Variants in TENM1 observed in about 807,000 individuals in gnomAD.
TENM1 encodes teneurin transmembrane protein 1, also known as teneurin-1.
Under a neutral mutation model 174.8 loss-of-function variants are expected in TENM1, and 35 were observed. The ratio of observed to expected loss-of-function variants is 0.20; its 90% confidence interval spans 0.15 to 0.27. The LOEUF (loss-of-function observed/expected upper bound fraction) is 0.27, where lower values mean the gene tolerates loss of function less well. TENM1 is among the 10% of genes least tolerant of loss of function. The pLI, the probability that TENM1 is intolerant of heterozygous loss-of-function variation, is 1.00. For synonymous variants in TENM1, 781 were observed against 798.7 expected (o/e 0.98, Z 0.37); for missense variants, 1,633 against 2,130.1 (o/e 0.77, Z 4.59).
chrX:124,783,013 A>G (rs2054950001), intron 3 of TENM1, among the ~76,000 whole-genome samples: 2 of 111,986 alleles, frequency 1.8e-5, no homozygotes, highest in South Asian at 7.4e-4. Context: ...GTTATGGTTT[A>G]GCCACCTGAA....
intron 1 of TENM1, among the ~76,000 whole-genome samples, chrX:124,910,368 A>G (rs932160986): frequency 2.7e-5 from 3 of 112,254 alleles, no homozygotes; most frequent in African/African-American, 9.7e-5. Context: ...ATCTATATAC[A>G]TGAATGCATG....
intron 25 of TENM1, among the ~76,000 whole-genome samples, chrX:124,410,409 TA>T (rs1269757737): frequency 1.8e-5 from 2 of 111,701 alleles, no homozygotes; most frequent in Admixed American, 9.5e-5. Flanking sequence ...CCTAAAACCA[TA>T]AAAAACCCTA....
intron 31 of TENM1, among the ~76,000 whole-genome samples, chrX:124,381,638 T>C (rs1486973346): frequency 1.8e-5 from 2 of 112,015 alleles, no homozygotes; most frequent in Admixed American, 9.4e-5. Context: ...TGACTAGATG[T>C]TATTACTACA....
chrX:125,049,096 A>C, the TENM1 span, among the ~76,000 whole-genome samples: 1 of 111,787 alleles, frequency 8.9e-6, no homozygotes, highest in Non-Finnish European at 1.9e-5. Flanking sequence ...ATTGAGATAT[A>C]ATTCATATAT....
the TENM1 span, among the ~76,000 whole-genome samples, chrX:125,094,572 TGGACCACA>T: frequency 8.9e-6 from 1 of 112,210 alleles, no homozygotes; most frequent in Non-Finnish European, 1.9e-5. Flanking sequence ...ACTGACTGTC[TGGACCACA>T]TCTTGGCCTA....
intron 11 of TENM1, among the ~76,000 whole-genome samples, chrX:124,572,037 C>T (rs887138942): frequency 2.7e-5 from 3 of 110,337 alleles, no homozygotes; most frequent in Non-Finnish European, 3.8e-5. Flanking sequence ...GATTCTTCCA[C>T]CCCAGCCTCC....
At chrX:125,044,273 C>G in the TENM1 span, among the ~76,000 whole-genome samples, 359 of 106,194 alleles carry the variant, frequency 3.4e-3, no homozygotes, top group Non-Finnish European at 5.5e-3. Context: ...TCTGTGGAAT[C>G]TTCCTCAGTA....
upstream of TENM1, among the ~76,000 whole-genome samples, chrX:124,965,525 T>C (rs2058715621): frequency 1.8e-5 from 2 of 111,992 alleles, no homozygotes; most frequent in African/African-American, 6.5e-5. Flanking sequence ...GATGTGAGTC[T>C]TAATGTCTCT....
intron 3 of TENM1, among the ~76,000 whole-genome samples, chrX:124,859,473 G>T (rs911814906): frequency 9.3e-6 from 1 of 107,287 alleles, no homozygotes; most frequent in Non-Finnish European, 1.9e-5. Flanking sequence ...GAACCTGGGT[G>T]GCAGAGGTTG....
At chrX:125,025,049 T>G in the TENM1 span, among the ~76,000 whole-genome samples, 1 of 111,753 alleles carries the variant, frequency 8.9e-6, no homozygotes, top group South Asian at 3.7e-4. Context: ...TTTTAAAAAG[T>G]AATATTGAAA....
chrX:124,600,154 G>C (rs2049996148), intron 11 of TENM1, among the ~76,000 whole-genome samples: 1 of 110,391 alleles, frequency 9.1e-6, no homozygotes, highest in Non-Finnish European at 1.9e-5. Context: ...ACAGAACTTG[G>C]CTTCTAAATA....
chrX:124,965,662 G>C (rs763812409), upstream of TENM1, among the ~76,000 whole-genome samples: 1 of 109,718 alleles, frequency 9.1e-6, no homozygotes, highest in Non-Finnish European at 1.9e-5. Context: ...AGATGAGCAT[G>C]CTTAAAGAGA....
At chrX:124,944,233 T>C (rs1010540350) in intron 1 of TENM1, among the ~76,000 whole-genome samples, 4 of 111,054 alleles carry the variant, frequency 3.6e-5, no homozygotes, top group Non-Finnish European at 7.6e-5. Flanking sequence ...GGTTTAGGGT[T>C]TACCAGCTAA....
the TENM1 span, among the ~76,000 whole-genome samples, chrX:125,127,279 A>C: frequency 1.8e-5 from 2 of 111,724 alleles, no homozygotes; most frequent in Non-Finnish European, 3.8e-5. Flanking sequence ...AGCTACCAGA[A>C]CTCTTATAGT....
At chrX:124,906,384 A>G (rs893338287) in intron 1 of TENM1, among the ~76,000 whole-genome samples, 1 of 112,141 alleles carries the variant, frequency 8.9e-6, no homozygotes, top group African/African-American at 3.2e-5. Context: ...GACTGTCTGT[A>G]TATATTTGCG....
intron 25 of TENM1, among the ~76,000 whole-genome samples, chrX:124,413,961 C>T (rs1018974081): frequency 2.7e-5 from 3 of 111,878 alleles, no homozygotes; most frequent in African/African-American, 6.5e-5. Context: ...TGCCCCCTAC[C>T]CCTTCTGATC....
chrX:124,422,782 A>G, intron 23 of TENM1, 144 bp from the exon 27 acceptor site: 1 of 518,720 alleles, frequency 1.9e-6, no homozygotes. Context: ...CGGAAAGTGG[A>G]GGGCAGGGGG....
At chrX:124,935,306 C>T (rs765147672) in intron 1 of TENM1, among the ~76,000 whole-genome samples, 8 of 109,741 alleles carry the variant, frequency 7.3e-5, no homozygotes, top group African/African-American at 2.7e-4. Context: ...TATTAAGATG[C>T]TCACTTTTGT....
At chrX:124,729,758 T>G (rs1467297003) in intron 4 of TENM1, among the ~76,000 whole-genome samples, 1 of 112,265 alleles carries the variant, frequency 8.9e-6, no homozygotes, top group African/African-American at 3.2e-5. Flanking sequence ...TGAAGATTGA[T>G]CACAGGGCAG....
Sources: allele counts gnomAD v4.1 joint callset (sites outside exome capture counted in the v4.1 genomes callset), GRCh38; gene constraint gnomAD v4.1.1; transcripts MANE v1.5; gene names NCBI Gene and HGNC (gene_info 2026-07-23, HGNC 2026-07-21).